The following MROH9 variants were observed in gnomAD, a reference collection of about 807,000 sequenced individuals.
MROH9 encodes the protein maestro heat-like repeat-containing protein family member 9.
MROH9 carries 92 observed loss-of-function variants against 98.2 expected under a neutral mutation model. The ratio of observed to expected loss-of-function variants is 0.94; its 90% CI spans 0.79 to 1.11. MROH9 has a LOEUF of 1.11. Ranked by LOEUF, MROH9 falls within the 50% of genes most tolerant of loss-of-function variation. The probability of loss-of-function intolerance (pLI) is 0.00; values close to 1 mark genes in which losing one functional copy is unlikely to be tolerated. For synonymous variants in MROH9, 397 were observed against 368.9 expected (o/e 1.08, Z -0.87); for missense variants, 1,057 against 1,014.8 (o/e 1.04, Z -0.57).
intron 10 of MROH9, among the ~76,000 whole-genome samples, chr1:170,987,326 C>T (rs994305244): frequency 1.3e-5 from 2 of 152,026 alleles, no homozygotes; most frequent in African/African-American, 4.8e-5. Flanking sequence ...ATTGAAATCC[C>T]CTGTGTATCC....
At chr1:170,953,423 T>C (rs539357095) in intron 3 of MROH9, among the ~76,000 whole-genome samples, 2 of 152,134 alleles carry the variant, frequency 1.3e-5, no homozygotes, top group East Asian at 1.9e-4. Flanking sequence ...AAAAAAACTT[T>C]TCCTAACCAA....
At chr1:171,028,124 T>C (rs1226267057) in intron 20 of MROH9, among the ~76,000 whole-genome samples, 4 of 152,196 alleles carry the variant, frequency 2.6e-5, no homozygotes, top group Admixed American at 6.5e-5. Context: ...ATGTCCTGAA[T>C]GGTATTGCCT....
chr1:171,041,834 T>C (rs1454498515), intron 20 of MROH9, among the ~76,000 whole-genome samples: 1 of 152,074 alleles, frequency 6.6e-6, no homozygotes, highest in East Asian at 1.9e-4. Context: ...ACATTCAACA[T>C]TTTTTCATTT....
At chr1:171,005,770 A>C (rs3853181) in intron 15 of MROH9, among the ~76,000 whole-genome samples, 43,963 of 152,020 alleles carry the variant, frequency 0.29, 8,904 homozygotes, top group African/African-American at 0.58. Flanking sequence ...TGTTTCTTGT[A>C]TGAATGTCTG....
chr1:171,054,312 T>A (rs550259696), intron 20 of MROH9, among the ~76,000 whole-genome samples: 2 of 152,192 alleles, frequency 1.3e-5, no homozygotes, highest in Non-Finnish European at 2.9e-5. Context: ...TGTGCTGGGA[T>A]AATTGGCAAG....
In MROH9 at chr1:171,014,743, T is replaced by C. The variant is rs545626971; in HGVS notation, c.1734+489T>C. 1.4e-4 allele frequency among the ~76,000 whole-genome samples: 21 copies of C among 152,352 alleles called. No homozygotes were observed. The South Asian group carries it at 3.1e-3, about 23-fold the overall frequency. On this transcript the variant is annotated intron_variant, in intron 16 of 21. Transcript: ENST00000367759. ...CTTATCTCTCGCAGCCTCATCCCTC[T>C]CAGAGCCATATCAGTTATGAGCACT...
At chr1:171,018,005 C>CT (rs896243284) in intron 17 of MROH9, among the ~76,000 whole-genome samples, 2 of 152,162 alleles carry the variant, frequency 1.3e-5, no homozygotes, top group African/African-American at 4.8e-5. Flanking sequence ...GACAAGTGGG[C>CT]TTTCCCCCCA....
intron 8 of MROH9, among the ~76,000 whole-genome samples, chr1:170,978,768 G>C (rs1323174979): frequency 1.3e-5 from 2 of 152,134 alleles, no homozygotes; most frequent in East Asian, 1.9e-4. Context: ...GTGAGGAGAA[G>C]GACTGAGACC....
chr1:170,996,907 C>T (rs571779027), intron 14 of MROH9, among the ~76,000 whole-genome samples: 1 of 152,152 alleles, frequency 6.6e-6, no homozygotes, highest in African/African-American at 2.4e-5. Flanking sequence ...TCTTTTCTTA[C>T]AGATACAGAA....
At chr1:171,043,891 T>C (rs894631556) in intron 20 of MROH9, among the ~76,000 whole-genome samples, 5 of 152,194 alleles carry the variant, frequency 3.3e-5, no homozygotes, top group Non-Finnish European at 5.9e-5. Flanking sequence ...TTTTTCCAAA[T>C]ATAAGATCAT....
chr1:171,044,831 TA>T (rs1470062124), intron 20 of MROH9, among the ~76,000 whole-genome samples: 1 of 151,960 alleles, frequency 6.6e-6, no homozygotes, highest in Non-Finnish European at 1.5e-5. Flanking sequence ...TTTTTTATTT[TA>T]TTTGGATCCT....
intron 7 of MROH9, among the ~76,000 whole-genome samples, chr1:170,967,878 A>G (rs1650294909): frequency 6.6e-6 from 1 of 152,208 alleles, no homozygotes; most frequent in Non-Finnish European, 1.5e-5. Context: ...GCATTTAAAA[A>G]TGGATGGTGG....
intron 7 of MROH9, among the ~76,000 whole-genome samples, chr1:170,969,181 G>A (rs1650342600): frequency 6.6e-6 from 1 of 152,194 alleles, no homozygotes; most frequent in South Asian, 2.1e-4. Flanking sequence ...CAATCTAAAT[G>A]TCCATCAACA....
chr1:170,961,046 C>T (rs913217528), intron 5 of MROH9, among the ~76,000 whole-genome samples: 2 of 150,412 alleles, frequency 1.3e-5, no homozygotes, highest in African/African-American at 2.4e-5. Context: ...GCATAAAAGT[C>T]TATTTTTTTT....
In MROH9 at chr1:170,937,287, C is replaced by G. The variant is rs1158608896; in HGVS notation, c.-38+1700C>G. Among the ~76,000 whole-genome samples, 4 of 152,298 alleles carry G rather than the reference C, an allele frequency of 2.6e-5. No individual in the cohort carries two copies. In the East Asian group the frequency reaches 7.7e-4, roughly 29 times the overall value. On this transcript the variant is annotated intron_variant, in intron 1 of 21. Transcript: ENST00000367759. ...AAAGTCCTTCAGTGATGTTTACTCT[C>G]TTCCTTGATGTCCTGTAACTTAAAC...
At chr1:170,956,295 G>C (rs1418836260) in intron 3 of MROH9, among the ~76,000 whole-genome samples, 2 of 152,016 alleles carry the variant, frequency 1.3e-5, no homozygotes, top group Non-Finnish European at 2.9e-5. Flanking sequence ...CTTTGGCTAT[G>C]TGGGCTCTTT....
chr1:170,959,183 A>C (rs1557873898), intron 4 of MROH9, among the ~76,000 whole-genome samples: 1 of 151,862 alleles, frequency 6.6e-6, no homozygotes, highest in African/African-American at 2.4e-5. Flanking sequence ...AGACCATCCT[A>C]GCTAACATGG....
intron 20 of MROH9, among the ~76,000 whole-genome samples, chr1:171,031,619 G>C (rs1652917544): frequency 6.6e-6 from 1 of 152,068 alleles, no homozygotes; most frequent in Non-Finnish European, 1.5e-5. Context: ...ATCTCTTCTG[G>C]CTTGTAGGGT....
chr1:170,977,878 G>T (rs527924686), intron 8 of MROH9, among the ~76,000 whole-genome samples: 2 of 152,300 alleles, frequency 1.3e-5, no homozygotes, highest in Non-Finnish European at 2.9e-5. Flanking sequence ...AGGATTGAAG[G>T]TCTGTGCTGT....
Sources: allele counts gnomAD v4.1 joint callset (sites outside exome capture counted in the v4.1 genomes callset), GRCh38; gene constraint gnomAD v4.1.1; transcripts MANE v1.5; gene names NCBI Gene and HGNC (gene_info 2026-07-23, HGNC 2026-07-21).